Variants in ABLIM3 observed in about 807,000 individuals in gnomAD.
ABLIM3 encodes the protein actin binding LIM protein family member 3.
In ABLIM3, 61 loss-of-function variants were observed where a neutral mutation model predicts 109.5. The observed-to-expected ratio is 0.56, with a 90% CI of 0.45 to 0.69. ABLIM3 has a LOEUF of 0.69. Among genes scored for constraint, ABLIM3 ranks in the 30% least tolerant of loss-of-function variants. The pLI is 0.00. For synonymous variants in ABLIM3, 300 were observed against 324.8 expected (o/e 0.92, Z 0.82); for missense variants, 796 against 889.5 (o/e 0.89, Z 1.34).
intron 8 of ABLIM3, among the ~76,000 whole-genome samples, chr5:149,225,072 C>G (rs1581172943): frequency 6.6e-6 from 1 of 152,164 alleles, no homozygotes; most frequent in African/African-American, 2.4e-5. Context: ...CTTTCAGTAG[C>G]AAAGGAGGAA....
intron 7 of ABLIM3, among the ~76,000 whole-genome samples, chr5:149,211,057 T>A (rs2918280): frequency 0.42 from 63,176 of 152,012 alleles, 13,494 homozygotes; most frequent in East Asian, 0.53. Context: ...GGAAAATCAG[T>A]TGTATCTTTG....
chr5:149,187,527 A>G (rs1757075317), intron 3 of ABLIM3, among the ~76,000 whole-genome samples: 1 of 152,258 alleles, frequency 6.6e-6, no homozygotes, highest in Non-Finnish European at 1.5e-5. Context: ...CTAAGATTAT[A>G]CTTAATGGTG....
chr5:149,161,272 G>A (rs1754340593), intron 2 of ABLIM3, among the ~76,000 whole-genome samples: 1 of 152,208 alleles, frequency 6.6e-6, no homozygotes, highest in Admixed American at 6.5e-5. Context: ...TCCTTAGCCA[G>A]TAGCAAAGTC....
rs1204592615 is a variant in ABLIM3 at position 149,258,367 on chromosome 5, A to G, written c.2015A>G (p.Lys672Arg). 2 of 1,613,992 alleles carry G rather than the reference A, an allele frequency of 1.2e-6. No homozygotes were observed. The highest frequency in any genetic ancestry group is 1.3e-5 in the African/African-American group (1 of 74,910). ...ISEFDRLALWKRNELKKQARL... is the reference protein window; with the variant it reads ...ISEFDRLALWRRNELKKQARL... ...GAGTTTGACCGGCTGGCCCTCTGGA[A>G]GAGGAATGAACTGAAGAAGCAAGCC... is the stretch of plus-strand genomic sequence containing the variant. The change falls in exon 24 of 24, where the codon AAG becomes AGG. Residue 672 changes from lysine to arginine, a missense_variant. Coordinates refer to ENST00000309868, the MANE Select transcript of ABLIM3 (RefSeq NM_014945.5).
chr5:149,228,407 T>C (rs1334226464), intron 8 of ABLIM3, among the ~76,000 whole-genome samples: 2 of 152,130 alleles, frequency 1.3e-5, no homozygotes, highest in Non-Finnish European at 2.9e-5. Context: ...CTAGTATCTT[T>C]TTGAAAAAAA....
chr5:149,148,400 G>A (rs190916001), intron 2 of ABLIM3, among the ~76,000 whole-genome samples: 211 of 152,210 alleles, frequency 1.4e-3, no homozygotes, highest in African/African-American at 4.6e-3. Context: ...CAGTACACTC[G>A]CTTCGCTGAA....
intron 3 of ABLIM3, among the ~76,000 whole-genome samples, chr5:149,185,140 T>C (rs766026860): frequency 6.6e-5 from 10 of 152,216 alleles, no homozygotes; most frequent in Non-Finnish European, 1.3e-4. Flanking sequence ...AAGCAAAAAC[T>C]TAATAGCTTA....
intron 3 of ABLIM3, among the ~76,000 whole-genome samples, chr5:149,185,104 G>A (rs926616072): frequency 6.6e-6 from 1 of 152,220 alleles, no homozygotes; most frequent in African/African-American, 2.4e-5. Flanking sequence ...ATATTCTTAA[G>A]AGAATGTATC....
chr5:149,206,678 A>G (rs1349037996), intron 5 of ABLIM3, among the ~76,000 whole-genome samples: 2 of 152,174 alleles, frequency 1.3e-5, no homozygotes, highest in African/African-American at 4.8e-5. Context: ...GACGCTGCAG[A>G]TGGCAAGGTC....
At chr5:149,237,864 C>T (rs1269808139) in intron 11 of ABLIM3, among the ~76,000 whole-genome samples, 3 of 152,194 alleles carry the variant, frequency 2.0e-5, no homozygotes, top group Non-Finnish European at 4.4e-5. Context: ...ATAGACAGGA[C>T]ATGAGCTTTC....
At position 149,175,493 on chromosome 5, in the gene ABLIM3, G is replaced by A. The variant is rs572518621; in HGVS notation, c.14-7959G>A. Among the ~76,000 whole-genome samples, 79 of 152,308 alleles carry A rather than the reference G, an allele frequency of 5.2e-4. No individual in the cohort carries two copies. The South Asian group carries it at 0.016, about 30-fold the overall frequency. Reference sequence around the variant, plus strand: ...AGAATGGTTCCCTGGCACATGGGTAGGGAGGAGAATCTTGGGGAAAGAAGT... The same window carrying A: ...AGAATGGTTCCCTGGCACATGGGTAAGGAGGAGAATCTTGGGGAAAGAAGT... On this transcript the variant is annotated intron_variant, in intron 2 of 23. Transcript: ENST00000309868.
chr5:149,259,802 T>C lies in ABLIM3; in HGVS notation c.*1398T>C. 5.1e-6 allele frequency: 3 copies of C among 589,788 alleles called. No individual in the cohort carries two copies. Among genetic ancestry groups the C allele is most frequent in the Non-Finnish European group, 9.0e-6 (3 of 333,098 alleles). The allele number at this position is 589,788 out of a possible 1,614,324, so 36.5% of individuals were successfully genotyped here. On this transcript the variant is annotated 3_prime_UTR_variant, in exon 24 of 24. Transcript: ENST00000309868. ...TGGAGGAAGGATGAAGAAGTGAAAA[T>C]GACAATAATGACTCTCAAGAGGCTG...
At position 149,258,986 on chromosome 5, in the gene ABLIM3, G is replaced by A. The variant is rs992211674; in HGVS notation, c.*582G>A. On this transcript the variant is annotated 3_prime_UTR_variant, in exon 24 of 24. Coordinates refer to ENST00000309868, the MANE Select transcript of ABLIM3 (RefSeq NM_014945.5). Reference sequence around the variant, plus strand: ...TTACACCAGTCAACAGAAGTGGACAGGGCCTAGGCCTCTCCTCAGCTCCTT... The same window carrying A: ...TTACACCAGTCAACAGAAGTGGACAAGGCCTAGGCCTCTCCTCAGCTCCTT... 1.4e-5 allele frequency: 14 copies of A among 992,970 alleles called. No homozygotes were observed. In the African/African-American group the frequency reaches 2.4e-4, roughly 17 times the overall value. 61.5% of individuals were successfully genotyped at this position (992,970 alleles called of 1,614,324 possible). A position where few individuals can be genotyped will look rare whatever the true frequency, so the allele number is the denominator to read the frequency against.
At chr5:149,197,054 G>T (rs1307100787) in intron 3 of ABLIM3, among the ~76,000 whole-genome samples, 5 of 152,136 alleles carry the variant, frequency 3.3e-5, no homozygotes, top group African/African-American at 1.2e-4. Context: ...GCTGAGTGAT[G>T]GAGAATTATT....
chr5:149,232,449 A>G (rs1028146172), intron 9 of ABLIM3, among the ~76,000 whole-genome samples: 4 of 152,214 alleles, frequency 2.6e-5, no homozygotes, highest in African/African-American at 4.8e-5. Flanking sequence ...AGTATTATCA[A>G]ATGTTCCACC....
At chr5:149,201,220 G>A (rs537666877) in intron 5 of ABLIM3, among the ~76,000 whole-genome samples, 3 of 152,296 alleles carry the variant, frequency 2.0e-5, no homozygotes, top group Admixed American at 6.5e-5. Flanking sequence ...GCAGTTGGCA[G>A]GCTGCTGCTG....
intron 6 of ABLIM3, among the ~76,000 whole-genome samples, chr5:149,208,781 A>G (rs1233461035): frequency 1.3e-5 from 2 of 152,212 alleles, no homozygotes; most frequent in East Asian, 3.9e-4. Context: ...GGGGAAATGG[A>G]TGCTGGCCAA....
intron 20 of ABLIM3, 97 bp downstream of exon 20, chr5:149,250,602 C>G (rs2127572326): frequency 7.0e-7 from 1 of 1,420,278 alleles, no homozygotes. Context: ...GAGCAAAGGT[C>G]CTGGGGCTAG....
rs552243427 is a variant in ABLIM3 at position 149,222,661 on chromosome 5, CTTTTTT to C, written c.757+5634_757+5639del. Reference sequence around the variant, plus strand: ...GTGTAACTGAATCTATTTCAGATTACTTTTTTTTTTTTTTTTTTTTTTTTAGCTCAG... The same window carrying C: ...GTGTAACTGAATCTATTTCAGATTACTTTTTTTTTTTTTTTTTTAGCTCAG... On this transcript the variant is annotated intron_variant, in intron 8 of 23. Transcript: ENST00000309868. Among the ~76,000 whole-genome samples the C allele has an allele frequency of 1.1e-3, 137 of 124,410 alleles. 2 individuals carry two copies. In the East Asian group the frequency reaches 0.011, roughly 10 times the overall value. 81.6% of individuals were successfully genotyped at this position (124,410 alleles called of 152,430 possible). A position where few individuals can be genotyped will look rare whatever the true frequency, so the allele number is the denominator to read the frequency against.
Sources: gnomAD v4.1 joint callset for allele counts (sites outside exome capture counted in the v4.1 genomes callset) on GRCh38, gnomAD v4.1.1 for gene constraint, MANE v1.5 for transcripts, NCBI Gene and HGNC (gene_info 2026-07-23, HGNC 2026-07-21) for gene names.